The following TMEM132C variants were observed in gnomAD, a reference collection of about 807,000 sequenced individuals.
TMEM132C encodes the protein transmembrane protein 132C.
In TMEM132C, 29 loss-of-function variants were observed where a neutral mutation model predicts 61.4. That is an observed-to-expected ratio of 0.47 (90% confidence interval 0.35 to 0.64). TMEM132C has a LOEUF of 0.64. Among genes scored for constraint, TMEM132C ranks in the 30% least tolerant of loss-of-function variants. TMEM132C has a pLI of 0.00. For missense variants in TMEM132C, 1,408 were observed against 1,476.9 expected, an observed-to-expected ratio of 0.95 and a Z score of 0.76; for synonymous variants, 656 against 633.1, an observed-to-expected ratio of 1.04 and a Z score of -0.54.
At chr12:128,556,162 G>T (rs948651465) in intron 3 of TMEM132C, among the ~76,000 whole-genome samples, 5 of 152,198 alleles carry the variant, frequency 3.3e-5, no homozygotes, top group African/African-American at 1.2e-4. Context: ...AGACCGAAGG[G>T]CCAGATCTGG....
intron 1 of TMEM132C, among the ~76,000 whole-genome samples, chr12:128,271,290 T>G (rs11059614): frequency 0.048 from 6,141 of 128,098 alleles, 339 homozygotes; most frequent in African/African-American, 0.15. Flanking sequence ...ATAATAATAA[T>G]AATAATAATA....
chr12:128,512,750 G>T (rs146029561), intron 2 of TMEM132C, among the ~76,000 whole-genome samples: 3 of 152,110 alleles, frequency 2.0e-5, no homozygotes, highest in East Asian at 1.9e-4. Context: ...GCACTGTTCC[G>T]CACCCACCAA....
chr12:128,541,169 A>G (rs188563984), intron 2 of TMEM132C, among the ~76,000 whole-genome samples: 1 of 152,130 alleles, frequency 6.6e-6, no homozygotes, highest in African/African-American at 2.4e-5. Context: ...GGTTTATTAA[A>G]AAGGATGTTA....
At chr12:128,615,749 C>T (rs1027019139) in intron 3 of TMEM132C, among the ~76,000 whole-genome samples, 3 of 152,174 alleles carry the variant, frequency 2.0e-5, no homozygotes, top group Non-Finnish European at 2.9e-5. Context: ...GGACTGGTAC[C>T]GGTTCATGGC....
chr12:128,276,838 T>C (rs902708540), intron 1 of TMEM132C, among the ~76,000 whole-genome samples: 1 of 151,952 alleles, frequency 6.6e-6, no homozygotes, highest in African/African-American at 2.4e-5. Flanking sequence ...TAAAGGAACT[T>C]GAAGAAAACT....
At chr12:128,700,043 A>T (rs941915490) in intron 8 of TMEM132C, among the ~76,000 whole-genome samples, 1 of 152,242 alleles carries the variant, frequency 6.6e-6, no homozygotes, top group Non-Finnish European at 1.5e-5. Flanking sequence ...AGCTGAAAGC[A>T]TGAAGCTATT....
chr12:128,495,887 G>A (rs1175865516), intron 2 of TMEM132C, among the ~76,000 whole-genome samples: 5 of 152,090 alleles, frequency 3.3e-5, no homozygotes, highest in African/African-American at 1.2e-4. Context: ...GATGTTAGCT[G>A]GTTATTTTGC....
At chr12:128,383,007 C>T (rs905223602) in intron 1 of TMEM132C, among the ~76,000 whole-genome samples, 6 of 151,102 alleles carry the variant, frequency 4.0e-5, no homozygotes, top group East Asian at 3.9e-4. Flanking sequence ...TCTGTGAGTG[C>T]GTCTGTGTAT....
intron 1 of TMEM132C, among the ~76,000 whole-genome samples, chr12:128,290,099 T>TTTTATATG (rs1871205296): frequency 6.6e-6 from 1 of 152,092 alleles, no homozygotes. Flanking sequence ...GATCCAAAGG[T>TTTTATATG]GCAGAAAGGA....
rs1434864897 is a variant in TMEM132C, at chr12:128,289,313, C to T, written c.85+21826C>T. 4.6e-5 allele frequency among the ~76,000 whole-genome samples: 7 copies of T among 152,170 alleles called. No individual in the cohort carries two copies. In the South Asian group the frequency reaches 8.3e-4, roughly 18 times the overall value. ...GCGCACACACACACAGACACACATA[C>T]GTGAATGCAGCCTTGTGACTAGCCG... On this transcript the variant is annotated intron_variant, in intron 1 of 8. Coordinates refer to ENST00000435159, the MANE Select transcript of TMEM132C (RefSeq NM_001136103.3).
At chr12:128,372,286 C>T (rs1041297533) in intron 1 of TMEM132C, among the ~76,000 whole-genome samples, 18 of 152,128 alleles carry the variant, frequency 1.2e-4, no homozygotes, top group African/African-American at 3.4e-4. Context: ...AAATTATGTG[C>T]GTGTGTCTGT....
rs142500622 is a variant in TMEM132C, at chr12:128,310,176, G to A, written c.85+42689G>A. On this transcript the variant is annotated intron_variant, in intron 1 of 8. Transcript: ENST00000435159. ...GAATAATGCTGCCATGAACCTTCAT[G>A]TATAAGTATTTACATTTTGAGAATA... Among the ~76,000 whole-genome samples, 17 of 152,252 alleles carry A rather than the reference G, an allele frequency of 1.1e-4. No homozygotes were observed. The East Asian group carries it at 3.3e-3, about 29-fold the overall frequency.
At chr12:128,284,293 C>T (rs747811238) in intron 1 of TMEM132C, among the ~76,000 whole-genome samples, 24 of 152,228 alleles carry the variant, frequency 1.6e-4, no homozygotes, top group Non-Finnish European at 2.6e-4. Flanking sequence ...GTATAGTGCT[C>T]TGGGAGGACC....
chr12:128,433,842 G>C lies in TMEM132C; in HGVS notation c.974+18222G>C, dbSNP rs527937736. ...GTGGGAATGGCAGTGAGATGCCTAG[G>C]CAAAAGGGCCATAGCCCCCACACAA... is the stretch of plus-strand genomic sequence containing the variant. On this transcript the variant is annotated intron_variant, in intron 2 of 8. Coordinates refer to ENST00000435159, the MANE Select transcript of TMEM132C (RefSeq NM_001136103.3). Among the ~76,000 whole-genome samples, 23 of 152,326 alleles carry C rather than the reference G, an allele frequency of 1.5e-4. 1 individual carries two copies. The highest frequency in any genetic ancestry group is 5.5e-4 in the African/African-American group (23 of 41,574).
chr12:128,677,212 A>C (rs1402411710), intron 5 of TMEM132C, among the ~76,000 whole-genome samples: 1 of 152,150 alleles, frequency 6.6e-6, no homozygotes. Context: ...TGGTTTTCTT[A>C]GTGTGGTGTC....
intron 2 of TMEM132C, among the ~76,000 whole-genome samples, chr12:128,537,545 A>G (rs962488403): frequency 2.0e-4 from 30 of 152,190 alleles, no homozygotes; most frequent in Admixed American, 1.8e-3. Flanking sequence ...TAGAAGGTCA[A>G]ATAGTTCTGC....
At chr12:128,324,313 A>G (rs1872435680) in intron 1 of TMEM132C, among the ~76,000 whole-genome samples, 1 of 152,188 alleles carries the variant, frequency 6.6e-6, no homozygotes. Flanking sequence ...CATGCAAACC[A>G]CTAGTAGTCT....
chr12:128,607,238 G>A (rs940781688), intron 3 of TMEM132C, among the ~76,000 whole-genome samples: 7 of 152,228 alleles, frequency 4.6e-5, no homozygotes, highest in African/African-American at 1.4e-4. Flanking sequence ...AAAGCTTCCA[G>A]GAGGCCAGTG....
At chr12:128,275,807 A>T (rs1009428144) in intron 1 of TMEM132C, among the ~76,000 whole-genome samples, 1 of 152,212 alleles carries the variant, frequency 6.6e-6, no homozygotes, top group Non-Finnish European at 1.5e-5. Flanking sequence ...ATGGAAGCTT[A>T]ATGTAACAAA....
Sources: gnomAD v4.1 joint callset for allele counts (sites outside exome capture counted in the v4.1 genomes callset) on GRCh38, gnomAD v4.1.1 for gene constraint, MANE v1.5 for transcripts, NCBI Gene and HGNC (gene_info 2026-07-23, HGNC 2026-07-21) for gene names.